Variants in GDPD5 observed in about 807,000 individuals in gnomAD.
GDPD5 encodes the protein glycerophosphodiester phosphodiesterase 2.
In GDPD5, 48 loss-of-function variants were observed where a neutral mutation model predicts 75.1. That is an observed-to-expected ratio of 0.64 (90% CI 0.51 to 0.81). The LOEUF is 0.81. GDPD5 is among the 40% of genes least tolerant of loss of function. GDPD5 has a pLI of 0.00. For synonymous variants in GDPD5, 336 were observed against 339.0 expected, an observed-to-expected ratio of 0.99 and a Z score of 0.10; for missense variants, 706 against 822.6, an observed-to-expected ratio of 0.86 and a Z score of 1.73.
intron 4 of GDPD5, among the ~76,000 whole-genome samples, chr11:75,461,035 C>T (rs979591205): frequency 3.3e-5 from 5 of 152,046 alleles, no homozygotes; most frequent in Non-Finnish European, 5.9e-5. Context: ...TGCTGTGTGA[C>T]GCTGGAAAGG....
chr11:75,478,424 G>A (rs1053503656), intron 2 of GDPD5, among the ~76,000 whole-genome samples: 1 of 152,206 alleles, frequency 6.6e-6, no homozygotes, highest in African/African-American at 2.4e-5. Flanking sequence ...GGGATGACAG[G>A]CGTGAGCCAT....
chr11:75,439,278 A>G (rs1167806961), intron 15 of GDPD5: 1 of 453,254 alleles, frequency 2.2e-6, no homozygotes, highest in African/African-American at 2.0e-5. Flanking sequence ...ACAGAACTGG[A>G]GAAGGGATGG....
chr11:75,450,533 C>G (rs935954809), intron 6 of GDPD5: 6 of 156,792 alleles, frequency 3.8e-5, no homozygotes, highest in Non-Finnish European at 7.0e-5. Flanking sequence ...TGAAACACAT[C>G]GCCACCTGCC....
At chr11:75,479,459 G>A (rs1949855986) in intron 2 of GDPD5, 1 of 152,168 alleles carries the variant, frequency 6.6e-6, no homozygotes, top group African/African-American at 2.4e-5. Context: ...TGTTCCAAGT[G>A]CTTTCCATGC....
intron 2 of GDPD5, among the ~76,000 whole-genome samples, chr11:75,483,543 G>A (rs1019098211): frequency 2.0e-5 from 3 of 152,146 alleles, no homozygotes; most frequent in Non-Finnish European, 4.4e-5. Flanking sequence ...ATCATGAAGT[G>A]CCTGGATTCT....
At chr11:75,444,334 G>T (rs1948925620) in intron 10 of GDPD5, 79 bp downstream of exon 10, 2 of 1,033,658 alleles carry the variant, frequency 1.9e-6, no homozygotes, top group South Asian at 2.5e-5. Flanking sequence ...GAGACCAGAG[G>T]TTCCCCCAGC....
chr11:75,485,510 TACACACACACACACACACAC>T (rs3138546), intron 2 of GDPD5: 1 of 143,576 alleles, frequency 7.0e-6, no homozygotes, highest in Admixed American at 7.0e-5. Flanking sequence ...GTGTATTAAA[TACACACACACACACACACAC>T]ACACACACAC....
chr11:75,501,220 C>T (rs1430146633), intron 1 of GDPD5, among the ~76,000 whole-genome samples: 1 of 152,208 alleles, frequency 6.6e-6, no homozygotes, highest in African/African-American at 2.4e-5. Context: ...AGGGCTATAC[C>T]CTGGCTCGGC....
intron 3 of GDPD5, among the ~76,000 whole-genome samples, chr11:75,466,330 G>A (rs555712122): frequency 6.6e-6 from 1 of 152,290 alleles, no homozygotes; most frequent in Non-Finnish European, 1.5e-5. Context: ...AGAACAATCA[G>A]AGGAAAACAC....
intron 6 of GDPD5, chr11:75,455,488 T>C: frequency 2.5e-6 from 1 of 406,304 alleles, no homozygotes; most frequent in Non-Finnish European, 5.0e-6. Flanking sequence ...CCTCGGTGCC[T>C]CCCTGGATGC....
intron 9 of GDPD5, 52 bp downstream of exon 9, chr11:75,448,925 C>G (rs112475196): frequency 2.0e-6 from 3 of 1,513,106 alleles, no homozygotes; most frequent in Non-Finnish European, 2.6e-6. Flanking sequence ...GAAGGTCCCC[C>G]CCATCGCACC....
intron 1 of GDPD5, among the ~76,000 whole-genome samples, chr11:75,520,530 A>G (rs1950735033): frequency 6.6e-6 from 1 of 152,108 alleles, no homozygotes; most frequent in African/African-American, 2.4e-5. Context: ...CAAGCCAGCA[A>G]GGGAAGCAGA....
intron 1 of GDPD5, among the ~76,000 whole-genome samples, chr11:75,507,351 G>T (rs1950422228): frequency 6.6e-6 from 1 of 152,238 alleles, no homozygotes; most frequent in Non-Finnish European, 1.5e-5. Context: ...CTTTGCTGTA[G>T]GCCACAGCTT....
chr11:75,488,813 C>T (rs966663962), intron 2 of GDPD5, among the ~76,000 whole-genome samples: 2 of 152,196 alleles, frequency 1.3e-5, no homozygotes, highest in African/African-American at 2.4e-5. Context: ...TATCTGCTTC[C>T]GTGGCTGCCT....
chr11:75,483,503 T>G (rs953670505), intron 2 of GDPD5, among the ~76,000 whole-genome samples: 1 of 152,132 alleles, frequency 6.6e-6, no homozygotes, highest in African/African-American at 2.4e-5. Flanking sequence ...CCCCCCAGAC[T>G]GCACTGCACT....
intron 11 of GDPD5, chr11:75,442,789 C>T (rs577674303): frequency 9.8e-6 from 6 of 610,270 alleles, no homozygotes; most frequent in Admixed American, 8.8e-5. Flanking sequence ...GGACGGAGGA[C>T]GGCTTGCTTG....
chr11:75,525,030 C>G (rs1941614262), intron 1 of GDPD5, among the ~76,000 whole-genome samples, 180 bp downstream of exon 1: 1 of 152,014 alleles, frequency 6.6e-6, no homozygotes, highest in Non-Finnish European at 1.5e-5. Context: ...GGGCAGGGCG[C>G]GAACCCGCAC....
chr11:75,477,341 ACCTTGGGGTGACCCTT>A (rs1949800348), intron 3 of GDPD5, among the ~76,000 whole-genome samples: 1 of 152,224 alleles, frequency 6.6e-6, no homozygotes, highest in African/African-American at 2.4e-5. Context: ...ACTTCTGCTC[ACCTTGGGGTGACCCTT>A]CCCTTCTAGA....
At chr11:75,472,649 C>T (rs1949695081) in intron 3 of GDPD5, among the ~76,000 whole-genome samples, 1 of 152,196 alleles carries the variant, frequency 6.6e-6, no homozygotes, top group South Asian at 2.1e-4. Flanking sequence ...CCGGCTGCCC[C>T]ACCTGGTCAG....
Sources: gnomAD v4.1 joint callset for allele counts (sites outside exome capture counted in the v4.1 genomes callset) on GRCh38, gnomAD v4.1.1 for gene constraint, MANE v1.5 for transcripts, NCBI Gene and HGNC (gene_info 2026-07-23, HGNC 2026-07-21) for gene names.